GXYLT1: variants seen among roughly 807,000 people sequenced by gnomAD.
GXYLT1 encodes glycosyltransferase 8 domain containing 3.
GXYLT1 carries 29 observed loss-of-function variants against 54.0 expected under a neutral mutation model. The observed-to-expected ratio is 0.54, with a 90% CI of 0.40 to 0.73. The LOEUF (loss-of-function observed/expected upper bound fraction) is 0.73, where lower values mean the gene tolerates loss of function less well. GXYLT1 is among the 30% of genes least tolerant of loss of function. The pLI is 0.00. For missense variants in GXYLT1, 490 were observed against 553.4 expected (o/e 0.89, Z 1.15); for synonymous variants, 176 against 204.1 (o/e 0.86, Z 1.17).
chr12:42,131,131 A>G (rs1444808042), intron 1 of GXYLT1, among the ~76,000 whole-genome samples: 1 of 152,182 alleles, frequency 6.6e-6, no homozygotes, highest in East Asian at 1.9e-4. Flanking sequence ...CAAAACGGAA[A>G]AAAGAAAACA....
At chr12:42,111,708 G>A (rs1197388611) in intron 3 of GXYLT1, among the ~76,000 whole-genome samples, 2 of 152,214 alleles carry the variant, frequency 1.3e-5, no homozygotes, top group Admixed American at 6.5e-5. Context: ...CACCTCTGGG[G>A]GCAGGGCACG....
rs1565567184 is a variant in GXYLT1, at chr12:42,098,786, A to ATATATATATATATATATATATATATAT, written c.865-754_865-753insATATATATATATATATATATATATATA. 3.8e-5 allele frequency among the ~76,000 whole-genome samples: 2 copies of ATATATATATATATATATATATATATAT among 52,278 alleles called. 1 individual carries two copies. The highest frequency in any genetic ancestry group is 3.8e-4 in the Admixed American group (2 of 5,232). 34.3% of individuals were successfully genotyped at this position (52,278 alleles called of 152,430 possible). A position where few individuals can be genotyped will look rare whatever the true frequency, so the allele number is the denominator to read the frequency against. Reference sequence around the variant, plus strand: ...ATATATATATATATATATATATATAATACATGTGTGTGTATATATACATGT... The same window carrying ATATATATATATATATATATATATATAT: ...ATATATATATATATATATATATATAATATATATATATATATATATATATATATTACATGTGTGTGTATATATACATGT... On this transcript the variant is annotated intron_variant, in intron 5 of 7. Transcript: ENST00000398675.
Position 42,113,351 on chromosome 12 carries a change from G to C in GXYLT1, c.487-3660C>G, listed in dbSNP as rs1183086628. 9.3e-5 allele frequency among the ~76,000 whole-genome samples: 14 copies of C among 151,176 alleles called. 2 individuals carry two copies. Among genetic ancestry groups the C allele is most frequent in the African/African-American group, 3.5e-4 (14 of 40,526 alleles). On this transcript the variant is annotated intron_variant, in intron 3 of 7. Transcript: ENST00000398675. Reference sequence around the variant, plus strand: ...CACAGACTGGCAAATTGGATAAAGAGTCAAGACCCATCAGTGTGCTGTATT... The same window carrying C: ...CACAGACTGGCAAATTGGATAAAGACTCAAGACCCATCAGTGTGCTGTATT...
chr12:42,115,538 A>C (rs2065488801), intron 3 of GXYLT1, among the ~76,000 whole-genome samples: 1 of 152,208 alleles, frequency 6.6e-6, no homozygotes. Context: ...CAATTGCTTC[A>C]AAGAGAAGAA....
Position 42,105,840 on chromosome 12 carries a change from C to T in GXYLT1, c.842G>A (p.Arg281Gln), listed in dbSNP as rs1011244027. 1.9e-6 allele frequency: 3 copies of T among 1,611,912 alleles called. No individual in the cohort carries two copies. The highest frequency in any genetic ancestry group is 1.1e-5 in the South Asian group (1 of 90,598). ...NSGVMLMNMT[R>Q]MRRKYFKNDM... ...TACCTTGAAATACTTCCTTCTCATT[C>T]GAGTCATGTTCATCAACATAACTCC... The change falls in exon 5 of 8, where the codon CGA becomes CAA. Residue 281 changes from arginine to glutamine, a missense_variant. This residue lies in a region of GXYLT1 where 342 missense variants were observed against 342.6 expected (regional missense o/e 1.00). Coordinates refer to ENST00000398675, the MANE Select transcript of GXYLT1 (RefSeq NM_173601.2).
At chr12:42,111,420 C>T (rs1209197042) in intron 3 of GXYLT1, among the ~76,000 whole-genome samples, 1 of 152,200 alleles carries the variant, frequency 6.6e-6, no homozygotes, top group Non-Finnish European at 1.5e-5. Flanking sequence ...AAAATCGGGT[C>T]ACTCCCACCC....
intron 1 of GXYLT1, among the ~76,000 whole-genome samples, chr12:42,141,187 C>T (rs1592130378): frequency 6.6e-6 from 1 of 152,264 alleles, no homozygotes; most frequent in Admixed American, 6.5e-5. Flanking sequence ...GGGCATGCAA[C>T]CCAGGCAAGT....
chr12:42,112,414 T>C (rs990338948), intron 3 of GXYLT1, among the ~76,000 whole-genome samples: 1 of 152,006 alleles, frequency 6.6e-6, no homozygotes, highest in Non-Finnish European at 1.5e-5. Context: ...GATGAATGGA[T>C]AAACAGAATA....
At chr12:42,138,975 T>C (rs1044236316) in intron 1 of GXYLT1, among the ~76,000 whole-genome samples, 1 of 151,558 alleles carries the variant, frequency 6.6e-6, no homozygotes, top group African/African-American at 2.4e-5. Context: ...GAGGCGGAGG[T>C]TGCACTGAGC....
At chr12:42,104,987 CTT>C (rs2065411109) in intron 5 of GXYLT1, among the ~76,000 whole-genome samples, 1 of 152,186 alleles carries the variant, frequency 6.6e-6, no homozygotes, top group Non-Finnish European at 1.5e-5. Context: ...CAACAGATCT[CTT>C]TTAAATTAAC....
rs542570526 is a variant in GXYLT1 at position 42,124,521 on chromosome 12, GCTAA to G, written c.314+5234_314+5237del. Among the ~76,000 whole-genome samples the G allele has an allele frequency of 1.2e-3, 182 of 152,002 alleles. 7 individuals are homozygous for G. The South Asian group carries it at 0.036, about 30-fold the overall frequency. On this transcript the variant is annotated intron_variant, in intron 2 of 7. Coordinates refer to ENST00000398675, the MANE Select transcript of GXYLT1 (RefSeq NM_173601.2). ...ATGATATACAGAACAAAAGAAAAAA[GCTAA>G]CTAAATGTGGAAATACATTCAACAA...
chr12:42,097,337 A>G (rs1254689641), intron 7 of GXYLT1, 105 bp downstream of exon 7: 16 of 751,730 alleles, frequency 2.1e-5, no homozygotes, highest in Middle Eastern at 4.1e-4. Context: ...ATAACAGATG[A>G]GGCTGAGTGT....
Position 42,106,893 on chromosome 12 carries a change from G to GC in GXYLT1, c.613-825dup, listed in dbSNP as rs1279340850. On this transcript the variant is annotated intron_variant, in intron 4 of 7. Transcript: ENST00000398675. The stretch of plus-strand genomic sequence containing the variant: ...CCTGAGTAACTGGGATTACAGGCAT[G>GC]CATCACCACACCCGGCTAATTTTTC... Among the ~76,000 whole-genome samples, 19 of 151,768 alleles carry GC rather than the reference G, an allele frequency of 1.3e-4. No individual in the cohort carries two copies. In the East Asian group the frequency reaches 3.3e-3, roughly 26 times the overall value.
rs756889149 is a variant in GXYLT1 at position 42,144,546 on chromosome 12, G to C, written c.101C>G (p.Thr34Arg). ...SQLAVSLEEG[T>R]GGGGGKPQAA... ...CTGCGGCTTCCCGCCACCGCCGCCC[G>C]TTCCTTCTTCCAGGGACACGGCGAG... The change falls in exon 1 of 8, where the codon ACG becomes AGG. Residue 34 changes from threonine to arginine, a missense_variant. Around this residue, in one of 2 missense-constraint regions of GXYLT1, gnomAD observed 148 missense variants for 210.7 expected, o/e 0.70. Coordinates refer to ENST00000398675, the MANE Select transcript of GXYLT1 (RefSeq NM_173601.2). 5.3e-5 allele frequency: 77 copies of C among 1,447,418 alleles called. No individual in the cohort carries two copies. In the African/African-American group the frequency reaches 1.1e-3, roughly 20 times the overall value. The allele number at this position is 1,447,418 out of a possible 1,614,324, so 89.7% of individuals were successfully genotyped here.
At chr12:42,091,832 A>T (rs2065330856) in intron 7 of GXYLT1, among the ~76,000 whole-genome samples, 1 of 152,236 alleles carries the variant, frequency 6.6e-6, no homozygotes, top group Non-Finnish European at 1.5e-5. Context: ...TCATCACCTT[A>T]ACATGGCATA....
At chr12:42,091,732 T>C (rs1414964930) in intron 7 of GXYLT1, among the ~76,000 whole-genome samples, 5 of 152,196 alleles carry the variant, frequency 3.3e-5, no homozygotes, top group Admixed American at 2.0e-4. Context: ...ACACTAGAAC[T>C]GTAGCCTACA....
intron 7 of GXYLT1, among the ~76,000 whole-genome samples, chr12:42,096,225 C>T (rs1191730972): frequency 6.6e-6 from 1 of 152,096 alleles, no homozygotes; most frequent in East Asian, 1.9e-4. Flanking sequence ...GCAATGAGAC[C>T]CTGGTAGCAA....
chr12:42,087,513 AG>A lies in GXYLT1; in HGVS notation c.*272del. The A allele has an allele frequency of 3.4e-6, 1 of 297,748 alleles. No homozygotes were observed. The highest frequency in any genetic ancestry group is 6.2e-6 in the Non-Finnish European group (1 of 160,556). The allele number at this position is 297,748 out of a possible 1,614,324, so 18.4% of individuals were successfully genotyped here. ...AGAGTATGAGTCAACAGAAGTCTGC[AG>A]GTTAAACCCATTCAATAGTATTTTC... On this transcript the variant is annotated 3_prime_UTR_variant, in exon 8 of 8. Transcript: ENST00000398675.
At chr12:42,101,298 TATAAGAAAAG>T (rs1300368900) in intron 5 of GXYLT1, among the ~76,000 whole-genome samples, 2 of 151,980 alleles carry the variant, frequency 1.3e-5, no homozygotes, top group East Asian at 3.8e-4. Flanking sequence ...GGCTACAAAT[TATAAGAAAAG>T]ATTTTTAACC....
Sources: allele counts gnomAD v4.1 joint callset (sites outside exome capture counted in the v4.1 genomes callset), GRCh38; gene constraint gnomAD v4.1.1; regional missense constraint gnomAD v4.1.1; transcripts MANE v1.5; gene names NCBI Gene and HGNC (gene_info 2026-07-23, HGNC 2026-07-21).